The following IL1RL2 variants were observed in gnomAD, a reference collection of about 807,000 sequenced individuals.
IL1RL2 encodes interleukin-1 receptor-like 2.
In IL1RL2, 68 loss-of-function variants were observed where a neutral mutation model predicts 66.8. That is an observed-to-expected ratio of 1.02 (90% CI 0.84 to 1.25). The LOEUF (loss-of-function observed/expected upper bound fraction) is 1.25. IL1RL2 is among the 50% of genes most tolerant of loss of function. IL1RL2 has a pLI of 0.00. For synonymous variants in IL1RL2, 305 were observed against 264.6 expected (o/e 1.15, Z -1.48); for missense variants, 729 against 709.3 (o/e 1.03, Z -0.32).
rs2104916265 is a variant in IL1RL2 at position 102,239,756 on chromosome 2, T to C, written c.*515T>C. On this transcript the variant is annotated 3_prime_UTR_variant, in exon 12 of 12. Transcript: ENST00000264257. The stretch of plus-strand genomic sequence containing the variant: ...TGGATGAGAGCTGGGGGAATCACCA[T>C]GTCATGGTGGGTGAGATCTTGGGGG... 1 of 158,456 alleles carries C rather than the reference T, an allele frequency of 6.3e-6. No homozygotes were observed. The highest frequency in any genetic ancestry group is 1.6e-4 in the South Asian group (1 of 6,116). The allele number at this position is 158,456 out of a possible 1,614,324, so 9.8% of individuals were successfully genotyped here.
chr2:102,232,869 A>G, intron 9 of IL1RL2, 94 bp from the exon 10 acceptor site: 3 of 1,438,392 alleles, frequency 2.1e-6, no homozygotes, highest in Middle Eastern at 1.8e-4. Context: ...AACCCAGGCC[A>G]AAGGACACCA....
At chr2:102,205,686 T>C (rs1688644023) in intron 5 of IL1RL2, among the ~76,000 whole-genome samples, 1 of 152,194 alleles carries the variant, frequency 6.6e-6, no homozygotes, top group South Asian at 2.1e-4. Flanking sequence ...CCTTTGGGAG[T>C]ATGATTATTA....
downstream of IL1RL2, among the ~76,000 whole-genome samples, chr2:102,242,683 C>G (rs2104919892): frequency 6.6e-6 from 1 of 151,972 alleles, no homozygotes; most frequent in Middle Eastern, 3.4e-3. Flanking sequence ...GGGGAAGGCT[C>G]ACTGTCTTAC....
chr2:102,233,589 A>T (rs1674545630), intron 10 of IL1RL2, among the ~76,000 whole-genome samples: 2 of 152,086 alleles, frequency 1.3e-5, no homozygotes, highest in South Asian at 4.1e-4. Context: ...CCCTCCCTAA[A>T]TATAATGGAA....
chr2:102,234,359 C>A (rs1228751353), intron 10 of IL1RL2, among the ~76,000 whole-genome samples: 1 of 152,012 alleles, frequency 6.6e-6, no homozygotes, highest in Non-Finnish European at 1.5e-5. Flanking sequence ...AAACCACATG[C>A]AAAACATGAT....
At chr2:102,236,093 G>A in intron 11 of IL1RL2, 1 of 286,330 alleles carries the variant, frequency 3.5e-6, no homozygotes, top group Non-Finnish European at 5.2e-6. Flanking sequence ...GAGCCAATGT[G>A]CCCTTGTCAC....
chr2:102,218,493 A>G (rs571444938), intron 6 of IL1RL2, among the ~76,000 whole-genome samples: 2 of 152,306 alleles, frequency 1.3e-5, no homozygotes, highest in South Asian at 4.1e-4. Flanking sequence ...TCTAGAGTTC[A>G]TATTTCATTT....
rs901624699 is a variant in IL1RL2, at chr2:102,236,015, T to C, written c.1678+738T>C. On this transcript the variant is annotated intron_variant, in intron 11 of 11. Transcript: ENST00000264257. ...ATGTCAACCAGAATTCTGAGCAGCC[T>C]GTGAGAGACGCAATTAGCACACAGA... The C allele has an allele frequency of 1.6e-4, 142 of 873,110 alleles. 1 individual carries two copies. The African/African-American group carries it at 2.3e-3, about 14-fold the overall frequency. The allele number at this position is 873,110 out of a possible 1,614,324, so 54.1% of individuals were successfully genotyped here. A position where few individuals can be genotyped will look rare whatever the true frequency, so the allele number is the denominator to read the frequency against.
chr2:102,187,784 G>T, intron 1 of IL1RL2, 72 bp from the exon 2 acceptor site: 1 of 1,303,384 alleles, frequency 7.7e-7, no homozygotes, highest in South Asian at 1.2e-5. Context: ...AGATTCCGAG[G>T]TCGCCCACGC....
chr2:102,195,593 C>A (rs1420127648), intron 4 of IL1RL2, among the ~76,000 whole-genome samples: 5 of 16,924 alleles, frequency 3.0e-4, no homozygotes, highest in Admixed American at 1.2e-3. Context: ...TTCTTTCTTT[C>A]TTTCTTTCTT....
chr2:102,211,205 A>G (rs1689140259), intron 5 of IL1RL2, among the ~76,000 whole-genome samples: 1 of 152,198 alleles, frequency 6.6e-6, no homozygotes, highest in South Asian at 2.1e-4. Context: ...CATTTTTCTT[A>G]GCTCCTCTCT....
rs934148666 is a variant in IL1RL2, at chr2:102,235,537, G to T, written c.1678+260G>T. ...TATTGACACATGCCCACTCACTGAG[G>T]CCTGGATGGATACAGCACTTGGGCC... On this transcript the variant is annotated intron_variant, in intron 11 of 11. Transcript: ENST00000264257. 8 of 985,322 alleles carry T rather than the reference G, an allele frequency of 8.1e-6. No homozygotes were observed. In the African/African-American group the frequency reaches 1.4e-4, roughly 17 times the overall value. The allele number at this position is 985,322 out of a possible 1,614,324, so 61.0% of individuals were successfully genotyped here.
At chr2:102,188,994 A>G (rs1686975525) in intron 2 of IL1RL2, 82 bp from the exon 3 acceptor site, 1 of 962,210 alleles carries the variant, frequency 1.0e-6, no homozygotes, top group Admixed American at 2.5e-5. Context: ...AAAATTGAAG[A>G]GGCATTTAAA....
In IL1RL2 at chr2:102,233,072, A is replaced by G. The variant is rs780813365; in HGVS notation, c.1245A>G (p.Arg415=). 12 of 1,614,110 alleles carry G rather than the reference A, an allele frequency of 7.4e-6. No homozygotes were observed. In the South Asian group the frequency reaches 1.1e-4, roughly 15 times the overall value. The change falls in exon 10 of 12, where the codon AGA becomes AGG. Residue 415 remains arginine, a synonymous_variant. Transcript: ENST00000264257. ...VLNILPEVLE[R]QCGYKLFIFG... is the part of the protein sequence containing the mutation. Reference sequence around the variant, plus strand: ...ATATCCTGCCCGAGGTGTTGGAGAGACAATGTGGATATAAGTTGTTTATAT... The same window carrying G: ...ATATCCTGCCCGAGGTGTTGGAGAGGCAATGTGGATATAAGTTGTTTATAT...
Position 102,239,234 on chromosome 2 carries a change from C to T in IL1RL2, c.1721C>T (p.Thr574Ile). 3 of 1,613,946 alleles carry T rather than the reference C, an allele frequency of 1.9e-6. No individual in the cohort carries two copies. Among genetic ancestry groups the T allele is most frequent in the Non-Finnish European group, 2.5e-6 (3 of 1,179,806 alleles). Residue 574 changes from threonine to isoleucine, a missense_variant, in exon 12 of 12, where the codon ACT becomes ATT. Thr to Ile is a moderately conservative substitution (Grantham distance 89). Transcript: ENST00000264257. ...GSRRKKCTLT[T>I]G ...AGAAGAAAGAAGTGTACTCTCACGA[C>T]TGGCTAAGACTTGCTGGACTGACAC...
At chr2:102,234,665 T>A (rs1674688081) in intron 10 of IL1RL2, among the ~76,000 whole-genome samples, 1 of 152,136 alleles carries the variant, frequency 6.6e-6, no homozygotes, top group African/African-American at 2.4e-5. Flanking sequence ...TACGTGTCTG[T>A]AATCCCAGGT....
chr2:102,212,009 G>C (rs1422863827), intron 5 of IL1RL2, 91 bp from the exon 6 acceptor site: 3 of 820,664 alleles, frequency 3.7e-6, no homozygotes, highest in African/African-American at 3.4e-5. Context: ...TTGATGGTCT[G>C]CTCTGTTGGG....
chr2:102,226,328 G>A (rs960760156), intron 9 of IL1RL2, among the ~76,000 whole-genome samples: 5 of 152,142 alleles, frequency 3.3e-5, no homozygotes, highest in South Asian at 2.1e-4. Flanking sequence ...AAGTTTCCAC[G>A]TCCATCCTCC....
intron 3 of IL1RL2, among the ~76,000 whole-genome samples, chr2:102,191,624 G>T (rs1004701628): frequency 3.9e-5 from 6 of 152,198 alleles, no homozygotes; most frequent in African/African-American, 1.4e-4. Flanking sequence ...ATTTTGGCTG[G>T]AATGCTAGGT....
Sources: allele counts gnomAD v4.1 joint callset (sites outside exome capture counted in the v4.1 genomes callset), GRCh38; gene constraint gnomAD v4.1.1; transcripts MANE v1.5; gene names NCBI Gene and HGNC (gene_info 2026-07-23, HGNC 2026-07-21).